CAMTA1: variants seen among roughly 807,000 people sequenced by gnomAD.
CAMTA1 encodes the protein calmodulin binding transcription activator 1.
A neutral mutation model predicts 170.9 loss-of-function variants in CAMTA1; 27 were observed. The ratio of observed to expected loss-of-function variants is 0.16; its 90% CI spans 0.12 to 0.22. CAMTA1 has a LOEUF of 0.22. Ranked by LOEUF, CAMTA1 falls within the 10% of genes least tolerant of loss-of-function variation. CAMTA1 has a pLI of 1.00. For missense variants in CAMTA1, 1,619 were observed against 2,217.2 expected (o/e 0.73, Z 5.42); for synonymous variants, 833 against 891.5 (o/e 0.93, Z 1.17).
intron 6 of CAMTA1, among the ~76,000 whole-genome samples, chr1:7,498,293 C>T (rs114902051): frequency 0.03 from 4,413 of 144,766 alleles, 110 homozygotes; most frequent in African/African-American, 0.07. Context: ...CGTGTATGAG[C>T]GTGACAGTGA....
chr1:7,309,236 C>A (rs1271595526), intron 5 of CAMTA1, among the ~76,000 whole-genome samples: 1 of 138,528 alleles, frequency 7.2e-6, no homozygotes, highest in African/African-American at 2.7e-5. Flanking sequence ...GGTCATGGTT[C>A]TTTGCTATTC....
intron 3 of CAMTA1, among the ~76,000 whole-genome samples, chr1:6,905,801 T>C (rs957974397): frequency 5.3e-5 from 8 of 152,334 alleles, no homozygotes; most frequent in Admixed American, 5.2e-4. Context: ...TCTTATTGCG[T>C]GTTCTGGGGC....
intron 3 of CAMTA1, among the ~76,000 whole-genome samples, chr1:7,037,866 C>T (rs1360474873): frequency 6.7e-6 from 1 of 149,004 alleles, no homozygotes; most frequent in East Asian, 1.9e-4. Flanking sequence ...CTTTGGGAAA[C>T]AGTAACTGAC....
intron 4 of CAMTA1, among the ~76,000 whole-genome samples, chr1:7,111,372 G>T (rs930757034): frequency 6.6e-6 from 1 of 152,130 alleles, no homozygotes; most frequent in Non-Finnish European, 1.5e-5. Flanking sequence ...CATTGCCCTG[G>T]CTTCATCATC....
chr1:7,341,141 G>C (rs1308127796), intron 5 of CAMTA1, among the ~76,000 whole-genome samples: 2 of 152,226 alleles, frequency 1.3e-5, no homozygotes, highest in African/African-American at 4.8e-5. Context: ...AAAGGGCTGT[G>C]GGCAGCCTGC....
At chr1:6,925,953 C>T (rs183082707) in intron 3 of CAMTA1, among the ~76,000 whole-genome samples, 1 of 152,188 alleles carries the variant, frequency 6.6e-6, no homozygotes, top group Non-Finnish European at 1.5e-5. Context: ...CTGACTTCCT[C>T]TCCTTATGCC....
chr1:7,353,079 C>T (rs2084806580), intron 5 of CAMTA1, among the ~76,000 whole-genome samples: 1 of 152,228 alleles, frequency 6.6e-6, no homozygotes, highest in South Asian at 2.1e-4. Flanking sequence ...CAGTTGGGAA[C>T]CTCGGGGGTC....
chr1:7,276,313 T>A (rs1266346300), intron 5 of CAMTA1, among the ~76,000 whole-genome samples: 3 of 68,970 alleles, frequency 4.3e-5, no homozygotes, highest in African/African-American at 8.2e-5. Context: ...ATTTTTTTTT[T>A]TTTTTTTTCT....
At chr1:7,404,498 T>C (rs1370250336) in intron 5 of CAMTA1, among the ~76,000 whole-genome samples, 1 of 152,240 alleles carries the variant, frequency 6.6e-6, no homozygotes, top group African/African-American at 2.4e-5. Context: ...GAGTGGCCTG[T>C]TGCCACGCAC....
intron 3 of CAMTA1, among the ~76,000 whole-genome samples, chr1:6,842,274 T>C (rs952668014): frequency 6.6e-6 from 1 of 152,112 alleles, no homozygotes; most frequent in African/African-American, 2.4e-5. Flanking sequence ...TCTTAAAGGG[T>C]GTTTAGGAAC....
intron 3 of CAMTA1, among the ~76,000 whole-genome samples, chr1:6,946,388 C>G (rs1273978193): frequency 6.6e-6 from 1 of 152,054 alleles, no homozygotes; most frequent in Non-Finnish European, 1.5e-5. Flanking sequence ...GAGCTGAGGT[C>G]TTGCTATACT....
chr1:7,111,943 G>A (rs1480743389), intron 4 of CAMTA1, among the ~76,000 whole-genome samples: 1 of 147,060 alleles, frequency 6.8e-6, no homozygotes, highest in Non-Finnish European at 1.5e-5. Flanking sequence ...GCTGCTGTAA[G>A]ATGAACTGAG....
chr1:6,830,020 CT>C (rs1261306654), intron 3 of CAMTA1, among the ~76,000 whole-genome samples: 2 of 151,560 alleles, frequency 1.3e-5, no homozygotes, highest in Non-Finnish European at 2.9e-5. Context: ...AGTTTTGATT[CT>C]TTTTTTATTT....
Position 7,498,267 on chromosome 1 carries a change from CGT to C in CAMTA1, c.510+30372_510+30373del, listed in dbSNP as rs201601328. Among the ~76,000 whole-genome samples the C allele has an allele frequency of 1.7e-3, 226 of 133,678 alleles. 1 individual carries two copies. The highest frequency in any genetic ancestry group is 6.3e-3 in the African/African-American group (214 of 33,956). 87.7% of individuals were successfully genotyped at this position (133,678 alleles called of 152,430 possible). A position where few individuals can be genotyped will look rare whatever the true frequency, so the allele number is the denominator to read the frequency against. On this transcript the variant is annotated intron_variant, in intron 6 of 22. Coordinates refer to ENST00000303635, the MANE Select transcript of CAMTA1 (RefSeq NM_015215.4). ...ATGTGTGGGAGAGTGTATGAGAGAG[CGT>C]GTGTGAGTGTGAGCGTGTATGAGCG...
In CAMTA1 at chr1:7,664,038, G is replaced by T; in HGVS notation, c.1491G>T (p.Thr497=). The change falls in exon 9 of 23, where the codon ACG becomes ACT. Residue 497 remains threonine, a synonymous_variant. Transcript: ENST00000303635. ...TTAATAACCCAAAGCAGGGCCAGAC[G>T]TACGGGGGTGGAGGCCTGAAAGCCG... ...CFLNNPKQGQ[T]YGGGGLKAEM... 1 of 1,613,876 alleles carries T rather than the reference G, an allele frequency of 6.2e-7. No homozygotes were observed. The highest frequency in any genetic ancestry group is 8.5e-7 in the Non-Finnish European group (1 of 1,180,050).
At chr1:7,731,289 TG>T (rs2096731305) in intron 11 of CAMTA1, among the ~76,000 whole-genome samples, 1 of 152,018 alleles carries the variant, frequency 6.6e-6, no homozygotes. Flanking sequence ...AAAAGAAATG[TG>T]GGGCTGGGCG....
chr1:7,427,724 G>T (rs568055497), intron 5 of CAMTA1, among the ~76,000 whole-genome samples: 3 of 152,180 alleles, frequency 2.0e-5, no homozygotes, highest in Non-Finnish European at 4.4e-5. Flanking sequence ...CCTGGGATGG[G>T]CTGTCCTCTC....
intron 1 of CAMTA1, among the ~76,000 whole-genome samples, chr1:6,796,094 G>A (rs1208158113): frequency 2.7e-5 from 4 of 146,610 alleles, no homozygotes; most frequent in Non-Finnish European, 4.5e-5. Context: ...GAAGTTGAGA[G>A]TGCTATGCTA....
chr1:7,249,739 G>C lies in CAMTA1; in HGVS notation c.438+113G>C. The C allele has an allele frequency of 7.8e-7, 1 of 1,275,324 alleles. No homozygotes were observed. 79.0% of individuals were successfully genotyped at this position (1,275,324 alleles called of 1,614,324 possible). A position where few individuals can be genotyped will look rare whatever the true frequency, so the allele number is the denominator to read the frequency against. On this transcript the variant is annotated intron_variant, in intron 5 of 22. Transcript: ENST00000303635. The surrounding 1 kb of genome is among the most constrained non-coding windows in gnomAD (Gnocchi z 4.4). ...AGTCACCTCTGTCCAAAGAATTTTT[G>C]TTTGCCAAGACCCTGGTTTTTGCTT...
Sources: allele counts gnomAD v4.1 joint callset (sites outside exome capture counted in the v4.1 genomes callset), GRCh38; gene constraint gnomAD v4.1.1; non-coding constraint Gnocchi (gnomAD v3.1); transcripts MANE v1.5; gene names NCBI Gene and HGNC (gene_info 2026-07-23, HGNC 2026-07-21).